The following TCP11 variants were observed in gnomAD, a reference collection of about 807,000 sequenced individuals.
TCP11 encodes t-complex 11, also known as T-complex protein 11 homolog.
In TCP11, 34 loss-of-function variants were observed where a neutral mutation model predicts 45.0. The ratio of observed to expected loss-of-function variants is 0.76; its 90% CI spans 0.57 to 1.01. The LOEUF (loss-of-function observed/expected upper bound fraction) is 1.01, where lower values mean the gene tolerates loss of function less well. Among genes scored for constraint, TCP11 ranks in the 50% least tolerant of loss-of-function variants. The pLI is 0.00. For synonymous variants in TCP11, 227 were observed against 227.0 expected, an observed-to-expected ratio of 1.00 and a Z score of 0.00; for missense variants, 523 against 598.1, an observed-to-expected ratio of 0.87 and a Z score of 1.31.
At chr6:35,121,114 C>T in intron 5 of TCP11, 69 bp from the exon 6 acceptor site, 1 of 1,487,738 alleles carries the variant, frequency 6.7e-7, no homozygotes, top group Non-Finnish European at 9.0e-7. Flanking sequence ...CATTAAATCA[C>T]TGTATTTTAG....
At chr6:35,122,985 A>G (rs1361612116) in intron 4 of TCP11, among the ~76,000 whole-genome samples, 2 of 152,186 alleles carry the variant, frequency 1.3e-5, no homozygotes, top group African/African-American at 4.8e-5. Context: ...CCAGTTACCA[A>G]TTTGGAGCCT....
rs538510513 is a variant in TCP11 at position 35,139,984 on chromosome 6, A to G, written c.124+763T>C. ...TTTAAATAGACACCTCAAAAACTTA[A>G]ATTGTGTGTACAAAAAAACGGATTT... is the stretch of plus-strand genomic sequence containing the variant. On this transcript the variant is annotated intron_variant, in intron 2 of 9. Transcript: ENST00000311875. 2.9e-5 allele frequency: 47 copies of G among 1,610,194 alleles called. No homozygotes were observed. The South Asian group carries it at 5.1e-4, about 17-fold the overall frequency.
chr6:35,120,070 TG>T lies in TCP11; in HGVS notation c.1115+88del. 6.7e-7 allele frequency: 1 copy of T among 1,492,072 alleles called. No homozygotes were observed. Among genetic ancestry groups the T allele is most frequent in the Non-Finnish European group, 9.1e-7 (1 of 1,103,650 alleles). 92.4% of individuals were successfully genotyped at this position (1,492,072 alleles called of 1,614,324 possible). The stretch of plus-strand genomic sequence containing the variant: ...TTCCACAGGGCCTTTCTGTGGTTTG[TG>T]GTAGACAGTAAGCAATCGTTCATTA... On this transcript the variant is annotated intron_variant, in intron 8 of 9. Coordinates refer to ENST00000311875, the MANE Select transcript of TCP11 (RefSeq NM_001370687.1). The surrounding 1 kb of genome is among the most constrained non-coding windows in gnomAD (Gnocchi z 4.9).
chr6:35,122,425 A>G, intron 4 of TCP11, 88 bp from the exon 5 acceptor site: 1 of 1,201,230 alleles, frequency 8.3e-7, no homozygotes, highest in Non-Finnish European at 1.2e-6. Flanking sequence ...AAGACATACC[A>G]GCCTATGTTT....
chr6:35,140,259 G>A, intron 2 of TCP11: 1 of 1,464,692 alleles, frequency 6.8e-7, no homozygotes. Flanking sequence ...ATGAGTCCCA[G>A]TGAGACTGGA....
Position 35,118,727 on chromosome 6 carries a change from G to A in TCP11, c.1280-226C>T, listed in dbSNP as rs559156178. ...TTAGTAAATTTCAGATTATTCAAAA[G>A]ATTGTTTAAGTAGCCATCAGTTAGA... On this transcript the variant is annotated intron_variant, in intron 9 of 9. Transcript: ENST00000311875. Among the ~76,000 whole-genome samples, 219 of 152,294 alleles carry A rather than the reference G, an allele frequency of 1.4e-3. 4 individuals carry two copies. The highest frequency in any genetic ancestry group is 1.9e-4 in the Non-Finnish European group (13 of 68,014).
intron 4 of TCP11, among the ~76,000 whole-genome samples, chr6:35,125,219 G>A (rs1011654077): frequency 2.0e-5 from 3 of 149,168 alleles, no homozygotes; most frequent in Non-Finnish European, 4.4e-5. Context: ...AAGAAAAAAA[G>A]GACCTAAACA....
chr6:35,132,422 T>G (rs1425633026), intron 3 of TCP11, among the ~76,000 whole-genome samples: 1 of 152,248 alleles, frequency 6.6e-6, no homozygotes, highest in East Asian at 1.9e-4. Context: ...ATCAGTCTAA[T>G]CAGTCATTTT....
At position 35,140,687 on chromosome 6, in the gene TCP11, G is replaced by C. The variant is rs1020797865; in HGVS notation, c.124+60C>G. The C allele has an allele frequency of 2.0e-5, 19 of 969,814 alleles. No homozygotes were observed. In the Middle Eastern group the frequency reaches 2.0e-3, roughly 100 times the overall value. The allele number at this position is 969,814 out of a possible 1,614,324, so 60.1% of individuals were successfully genotyped here. A position where few individuals can be genotyped will look rare whatever the true frequency, so the allele number is the denominator to read the frequency against. Reference sequence around the variant, plus strand: ...GAAAACTTGGGGGATGGGGGGGCCTGCGGACCCCCCACACTAAGCACCCCC... The same window carrying C: ...GAAAACTTGGGGGATGGGGGGGCCTCCGGACCCCCCACACTAAGCACCCCC... On this transcript the variant is annotated intron_variant, in intron 2 of 9. Coordinates refer to ENST00000311875, the MANE Select transcript of TCP11 (RefSeq NM_001370687.1).
chr6:35,139,905 T>A (rs3777748), intron 2 of TCP11: 702,982 of 1,057,072 alleles, frequency 0.67, 235,825 homozygotes, highest in Middle Eastern at 0.81. Context: ...CAAATTTTTT[T>A]AAAAAGGAAT....
At chr6:35,127,987 T>C (rs896576019) in intron 4 of TCP11, among the ~76,000 whole-genome samples, 4 of 152,234 alleles carry the variant, frequency 2.6e-5, no homozygotes, top group Admixed American at 6.5e-5. Context: ...TAGCACATTT[T>C]AAGCTTCACC....
chr6:35,130,608 C>T (rs1426002887), intron 3 of TCP11, among the ~76,000 whole-genome samples: 3 of 151,842 alleles, frequency 2.0e-5, no homozygotes, highest in Non-Finnish European at 4.4e-5. Flanking sequence ...AGACGCTCAA[C>T]ATCATTTGTC....
intron 2 of TCP11, among the ~76,000 whole-genome samples, chr6:35,138,430 C>T (rs1172008232): frequency 6.6e-6 from 1 of 152,120 alleles, no homozygotes; most frequent in Admixed American, 6.5e-5. Context: ...TCCGCAACAA[C>T]GCAGATGGAA....
intron 2 of TCP11, 24 bp downstream of exon 2, chr6:35,140,723 C>G (rs1332064326): frequency 6.6e-7 from 1 of 1,517,110 alleles, no homozygotes; most frequent in African/African-American, 1.4e-5. Context: ...TAGGGGGCCA[C>G]AGGGACTGCC....
Position 35,120,212 on chromosome 6 carries a change from A to C in TCP11, c.1062T>G (p.Phe354Leu). ...TGGTTATGCGTTTCAGTTTATCTAC[A>C]AATTGGGGTGAGCCAAACAAAACAC... ...SGSVLFGSPQ[F>L]VDKLKRITKS... Residue 354 changes from phenylalanine to leucine, a missense_variant, in exon 8 of 10, where the codon TTT becomes TTG. Transcript: ENST00000311875. The surrounding 1 kb of genome is among the most constrained non-coding windows in gnomAD (Gnocchi z 4.9). 1 of 1,614,246 alleles carries C rather than the reference A, an allele frequency of 6.2e-7. No homozygotes were observed. The highest frequency in any genetic ancestry group is 8.5e-7 in the Non-Finnish European group (1 of 1,180,036).
In TCP11 at chr6:35,125,867, T is replaced by C. The variant is rs576249685; in HGVS notation, c.357+3195A>G. ...ATTCTGATATATGCTACAATATGGA[T>C]GGACCTTTAAAACATTACACTAAGT... On this transcript the variant is annotated intron_variant, in intron 4 of 9. Transcript: ENST00000311875. Among the ~76,000 whole-genome samples, 7 of 152,358 alleles carry C rather than the reference T, an allele frequency of 4.6e-5. No individual in the cohort carries two copies. In the East Asian group the frequency reaches 1.3e-3, roughly 29 times the overall value.
chr6:35,128,843 T>C, intron 4 of TCP11: 1 of 541,228 alleles, frequency 1.8e-6, no homozygotes, highest in Non-Finnish European at 3.1e-6. Context: ...TTCTTTAGTT[T>C]TCCTTACTCT....
At chr6:35,140,009 T>A (rs750734901) in intron 2 of TCP11, 1 of 1,613,904 alleles carries the variant, frequency 6.2e-7, no homozygotes, top group Admixed American at 1.7e-5. Context: ...AAAACGGATT[T>A]TTCATCCTAC....
Position 35,140,886 on chromosome 6 carries a change from T to C in TCP11, c.-14-2A>G, listed in dbSNP as rs754692556. The C allele has an allele frequency of 4.0e-6, 6 of 1,514,936 alleles. No individual in the cohort carries two copies. In the African/African-American group the frequency reaches 8.7e-5, roughly 22 times the overall value. The allele number at this position is 1,514,936 out of a possible 1,614,324, so 93.8% of individuals were successfully genotyped here. A position where few individuals can be genotyped will look rare whatever the true frequency, so the allele number is the denominator to read the frequency against. On this transcript the variant is annotated splice_acceptor_variant, in intron 1 of 9. Coordinates refer to ENST00000311875, the MANE Select transcript of TCP11 (RefSeq NM_001370687.1). LOFTEE classifies it low-confidence loss of function (5UTR_SPLICE). ...CGTCTGGCATTTTGCTGATGGTATC[T>C]GGGTGAGGGAGAAAGGCGTGTTGTT...
Sources: gnomAD v4.1 joint callset for allele counts (sites outside exome capture counted in the v4.1 genomes callset) on GRCh38, gnomAD v4.1.1 for gene constraint, Gnocchi (gnomAD v3.1) non-coding constraint, MANE v1.5 for transcripts, NCBI Gene and HGNC (gene_info 2026-07-23, HGNC 2026-07-21) for gene names.